Variants in ADAM20 observed in about 807,000 individuals in gnomAD.
ADAM20 encodes the protein ADAM metallopeptidase domain 20, also known as disintegrin and metalloproteinase domain-containing protein 20.
For synonymous variants in ADAM20, 305 were observed against 310.2 expected (o/e 0.98, Z 0.18); for missense variants, 871 against 883.2 (o/e 0.99, Z 0.18).
chr14:70,554,459 C>T, the ADAM20 span, among the ~76,000 whole-genome samples: 1 of 152,168 alleles, frequency 6.6e-6, no homozygotes, highest in African/African-American at 2.4e-5. Flanking sequence ...GCATTATTCA[C>T]ATAGCTAAGA....
chr14:70,564,361 C>T, the ADAM20 span, among the ~76,000 whole-genome samples: 1 of 152,138 alleles, frequency 6.6e-6, no homozygotes, highest in Non-Finnish European at 1.5e-5. Flanking sequence ...AATCTAGATG[C>T]CTGGGACAGT....
the ADAM20 span, among the ~76,000 whole-genome samples, chr14:70,578,327 T>G: frequency 5.9e-5 from 9 of 152,118 alleles, no homozygotes; most frequent in African/African-American, 2.2e-4. Context: ...ATACTCACCA[T>G]ATACAAAAAC....
the ADAM20 span, among the ~76,000 whole-genome samples, chr14:70,554,541 GAC>G: frequency 4.0e-5 from 6 of 151,422 alleles, no homozygotes; most frequent in South Asian, 2.1e-4. Flanking sequence ...CACACACACA[GAC>G]ACACACACAC....
chr14:70,543,872 C>CA, the ADAM20 span, among the ~76,000 whole-genome samples: 1 of 152,164 alleles, frequency 6.6e-6, no homozygotes, highest in Non-Finnish European at 1.5e-5. Context: ...AGAGCAGGAG[C>CA]ATCACCATCT....
rs1318753380 is a variant in ADAM20, at chr14:70,523,575, T to C, written c.1183A>G (p.Ile395Val). The change falls in exon 2 of 2, where the codon ATT (isoleucine) becomes GTT (valine). Residue 395 changes from isoleucine to valine, a missense_variant. Physicochemically the swap from Ile to Val is conservative, Grantham distance 29. Coordinates refer to ENST00000256389, the MANE Select transcript of ADAM20 (RefSeq NM_003814.5). ...WDSTISSGLC[I>V]QPPPYPGNIF... is the part of the protein sequence containing the mutation. ...TTCCCTGGATATGGAGGCGGTTGAATACATAATCCACTACTGATAGTACTG... is the reference window on the plus strand; with the variant it reads ...TTCCCTGGATATGGAGGCGGTTGAACACATAATCCACTACTGATAGTACTG... The C allele has an allele frequency of 6.2e-7, 1 of 1,614,110 alleles. No individual in the cohort carries two copies. Among genetic ancestry groups the C allele is most frequent in the East Asian group, 2.2e-5 (1 of 44,874 alleles).
chr14:70,536,039 T>A (rs1195361635), upstream of ADAM20, among the ~76,000 whole-genome samples: 1 of 152,174 alleles, frequency 6.6e-6, no homozygotes, highest in Non-Finnish European at 1.5e-5. Context: ...GAAATGTTAA[T>A]CAAATTAACC....
At chr14:70,543,668 A>G in the ADAM20 span, among the ~76,000 whole-genome samples, 1 of 152,138 alleles carries the variant, frequency 6.6e-6, no homozygotes, top group African/African-American at 2.4e-5. Context: ...CCTGCCTACT[A>G]AACCTTTTTC....
At chr14:70,571,488 C>T in the ADAM20 span, among the ~76,000 whole-genome samples, 2 of 152,184 alleles carry the variant, frequency 1.3e-5, no homozygotes, top group African/African-American at 4.8e-5. Flanking sequence ...CTGAGGCCTC[C>T]CTATCCATGC....
In ADAM20 at chr14:70,525,079, G is replaced by A. The variant is rs969124749; in HGVS notation, c.-176-146C>T. On this transcript the variant is annotated intron_variant, in intron 1 of 1. Coordinates refer to ENST00000256389, the MANE Select transcript of ADAM20 (RefSeq NM_003814.5). ...ATACATATGGCCAAGAAGATTTCCA[G>A]ATAGGGGAGATTGCACATAGGTGAG... The A allele has an allele frequency of 4.8e-5, 33 of 689,706 alleles. No homozygotes were observed. The East Asian group carries it at 8.1e-4, about 17-fold the overall frequency. 42.7% of individuals were successfully genotyped at this position (689,706 alleles called of 1,614,324 possible). A position where few individuals can be genotyped will look rare whatever the true frequency, so the allele number is the denominator to read the frequency against.
intron 1 of ADAM20, among the ~76,000 whole-genome samples, chr14:70,525,411 G>C (rs957232495): frequency 6.6e-6 from 1 of 151,974 alleles, no homozygotes; most frequent in African/African-American, 2.4e-5. Context: ...GGATAGAGAT[G>C]GAGTCTCACT....
At chr14:70,568,979 A>C in the ADAM20 span, among the ~76,000 whole-genome samples, 1 of 152,128 alleles carries the variant, frequency 6.6e-6, no homozygotes, top group Non-Finnish European at 1.5e-5. Flanking sequence ...TATACAACAC[A>C]ACCGTTCCCA....
At chr14:70,568,397 G>A in the ADAM20 span, among the ~76,000 whole-genome samples, 5 of 151,792 alleles carry the variant, frequency 3.3e-5, no homozygotes, top group South Asian at 2.1e-4. Context: ...CCATGCAAAT[G>A]ATAGCAAACT....
chr14:70,541,720 G>C, the ADAM20 span, among the ~76,000 whole-genome samples: 797 of 152,262 alleles, frequency 5.2e-3, 6 homozygotes, highest in African/African-American at 0.018. Flanking sequence ...GACTATATTT[G>C]TATAAATATG....
At chr14:70,557,247 C>T in the ADAM20 span, 1 of 152,108 alleles carries the variant, frequency 6.6e-6, no homozygotes. Flanking sequence ...TAAAAGACGG[C>T]ACTTTGTGTG....
At chr14:70,553,545 A>C in the ADAM20 span, among the ~76,000 whole-genome samples, 6 of 149,814 alleles carry the variant, frequency 4.0e-5, no homozygotes, top group African/African-American at 1.2e-4. Flanking sequence ...AAAAAAAAAA[A>C]AAACTAGCAA....
At chr14:70,562,220 T>C in the ADAM20 span, among the ~76,000 whole-genome samples, 5,563 of 152,272 alleles carry the variant, frequency 0.037, 117 homozygotes, top group Middle Eastern at 0.058. Flanking sequence ...AGAGATTATT[T>C]TGGAGCTTTA....
chr14:70,548,671 C>A, the ADAM20 span, among the ~76,000 whole-genome samples: 6 of 122,628 alleles, frequency 4.9e-5, no homozygotes, highest in South Asian at 3.1e-4. Context: ...ACCAAATCCA[C>A]GTCTGATTGG....
At chr14:70,552,693 A>G in the ADAM20 span, among the ~76,000 whole-genome samples, 1 of 12,358 alleles carries the variant, frequency 8.1e-5, no homozygotes, top group African/African-American at 3.9e-4. Flanking sequence ...AAATAGGAAC[A>G]CTTTTACACT....
the ADAM20 span, among the ~76,000 whole-genome samples, chr14:70,569,772 T>C: frequency 1.3e-5 from 2 of 150,778 alleles, no homozygotes; most frequent in Admixed American, 6.7e-5. Context: ...AAAGTACCCA[T>C]ATTTATAAAA....
Sources: gnomAD v4.1 joint callset for allele counts (sites outside exome capture counted in the v4.1 genomes callset) on GRCh38, gnomAD v4.1.1 for gene constraint, MANE v1.5 for transcripts, NCBI Gene and HGNC (gene_info 2026-07-23, HGNC 2026-07-21) for gene names.